HSPA12A: variants seen among roughly 807,000 people sequenced by gnomAD.
HSPA12A encodes the protein heat shock protein family A (Hsp70) member 12A, also known as heat shock 70 kDa protein 12A.
Under a neutral mutation model 69.2 loss-of-function variants are expected in HSPA12A, and 28 were observed. That is an observed-to-expected ratio of 0.40 (90% CI 0.30 to 0.55). The LOEUF (loss-of-function observed/expected upper bound fraction) is 0.55, where lower values mean the gene tolerates loss of function less well. HSPA12A is among the 20% of genes least tolerant of loss of function. HSPA12A has a pLI of 0.38. For synonymous variants in HSPA12A, 345 were observed against 370.5 expected (o/e 0.93, Z 0.79); for missense variants, 686 against 900.7 (o/e 0.76, Z 3.05).
Position 116,694,069 on chromosome 10 carries a change from G to C in HSPA12A, c.547-1602C>G, listed in dbSNP as rs552276539. On this transcript the variant is annotated intron_variant, in intron 5 of 11. Transcript: ENST00000369209. Reference sequence around the variant, plus strand: ...ATTTTAAACTCTTTAAAAGGAAAAGGGTTCAAAATACACATGAGGGGCTTC... The same window carrying C: ...ATTTTAAACTCTTTAAAAGGAAAAGCGTTCAAAATACACATGAGGGGCTTC... 9.5e-4 allele frequency among the ~76,000 whole-genome samples: 145 copies of C among 152,292 alleles called. 2 individuals carry two copies. The South Asian group carries it at 0.027, about 29-fold the overall frequency.
At chr10:116,813,430 G>A (rs149135454) in intron 2 of HSPA12A, among the ~76,000 whole-genome samples, 6,050 of 151,558 alleles carry the variant, frequency 0.04, 393 homozygotes, top group African/African-American at 0.14. Context: ...TGTATTTTTC[G>A]TAGAGACAGG....
intron 1 of HSPA12A, among the ~76,000 whole-genome samples, chr10:116,712,426 C>A (rs934771806): frequency 6.6e-6 from 1 of 152,194 alleles, no homozygotes; most frequent in Non-Finnish European, 1.5e-5. Flanking sequence ...AACCCCAAAC[C>A]AGGCAATTGA....
In HSPA12A at chr10:116,679,491, A is replaced by AG; in HGVS notation, c.1286+11dup. 1 of 1,610,490 alleles carries AG rather than the reference A, an allele frequency of 6.2e-7. No homozygotes were observed. The highest frequency in any genetic ancestry group is 1.7e-5 in the Admixed American group (1 of 59,982). On this transcript the variant is annotated intron_variant, in intron 10 of 11. Coordinates refer to ENST00000369209, the MANE Select transcript of HSPA12A (RefSeq NM_025015.3). ...AGAATGTCCAGAGCCCGAGGTGATG[A>AG]GCCCAACTCACTTGCTTTTCCGCAA...
chr10:116,810,150 G>C (rs1171814070), intron 2 of HSPA12A, among the ~76,000 whole-genome samples: 2 of 152,156 alleles, frequency 1.3e-5, no homozygotes, highest in Non-Finnish European at 2.9e-5. Flanking sequence ...CTTTTGTTTT[G>C]TTTTCCCCCT....
intron 2 of HSPA12A, 27 bp downstream of exon 2, chr10:116,707,151 GCGCACACACACACACACACACA>G: frequency 9.8e-7 from 1 of 1,018,350 alleles, no homozygotes; most frequent in East Asian, 4.5e-5. Context: ...GCACCCATGC[GCGCACACACACACACACACACA>G]CACACACACA....
chr10:116,714,018 G>C (rs1353846422), intron 1 of HSPA12A, among the ~76,000 whole-genome samples: 1 of 151,264 alleles, frequency 6.6e-6, no homozygotes, highest in Non-Finnish European at 1.5e-5. Flanking sequence ...ATGGATAGAT[G>C]GATGGATGGA....
At chr10:116,732,421 T>C (rs1376666087) in intron 1 of HSPA12A, among the ~76,000 whole-genome samples, 3 of 151,940 alleles carry the variant, frequency 2.0e-5, no homozygotes, top group Non-Finnish European at 4.4e-5. Context: ...CAGGTTTAAG[T>C]TCCAGGAACC....
chr10:116,814,431 T>G (rs748003318), intron 2 of HSPA12A, among the ~76,000 whole-genome samples: 22 of 152,186 alleles, frequency 1.4e-4, no homozygotes, highest in Non-Finnish European at 2.4e-4. Context: ...GTGACATATC[T>G]CAGCAAGTGA....
chr10:116,821,572 T>C (rs141770087), intron 2 of HSPA12A, among the ~76,000 whole-genome samples: 293 of 152,372 alleles, frequency 1.9e-3, no homozygotes, highest in Middle Eastern at 0.01. Flanking sequence ...CACACATACA[T>C]ACATTAGAAT....
intron 1 of HSPA12A, among the ~76,000 whole-genome samples, chr10:116,739,138 C>G (rs1273756514): frequency 6.6e-6 from 1 of 152,170 alleles, no homozygotes; most frequent in Non-Finnish European, 1.5e-5. Flanking sequence ...CTATGACATG[C>G]CAGGCACATG....
intron 1 of HSPA12A, among the ~76,000 whole-genome samples, chr10:116,735,027 G>A (rs1615891): frequency 0.98 from 149,894 of 152,348 alleles, 73,788 homozygotes; most frequent in Middle Eastern, 1. Context: ...ATCCTGATCT[G>A]TCAAAGTGCA....
intron 2 of HSPA12A, among the ~76,000 whole-genome samples, chr10:116,818,218 A>C (rs1041586656): frequency 2.0e-5 from 3 of 152,144 alleles, no homozygotes; most frequent in African/African-American, 4.8e-5. Flanking sequence ...TCAACCTGGC[A>C]TATGAGCTTG....
At chr10:116,778,064 G>A (rs1487142824) in intron 2 of HSPA12A, among the ~76,000 whole-genome samples, 1 of 152,068 alleles carries the variant, frequency 6.6e-6, no homozygotes, top group African/African-American at 2.4e-5. Context: ...CTTAACAACT[G>A]GCCCACAAAA....
At chr10:116,747,795 T>C (rs1468851799) in intron 2 of HSPA12A, among the ~76,000 whole-genome samples, 2 of 152,106 alleles carry the variant, frequency 1.3e-5, no homozygotes, top group Non-Finnish European at 2.9e-5. Context: ...GGTCAGGAGT[T>C]TGAGACCAGC....
At chr10:116,811,150 G>C (rs1005011160) in intron 2 of HSPA12A, among the ~76,000 whole-genome samples, 4 of 152,148 alleles carry the variant, frequency 2.6e-5, no homozygotes, top group African/African-American at 4.8e-5. Flanking sequence ...GATAGCAATG[G>C]AAGACAGAGG....
chr10:116,732,156 C>T (rs927593380), intron 1 of HSPA12A, among the ~76,000 whole-genome samples: 31 of 151,830 alleles, frequency 2.0e-4, no homozygotes, highest in African/African-American at 6.3e-4. Context: ...CGTGATGAAA[C>T]GCCGTCTCTA....
intron 2 of HSPA12A, among the ~76,000 whole-genome samples, chr10:116,772,340 CAGA>C (rs1247547752): frequency 1.3e-5 from 2 of 152,126 alleles, no homozygotes; most frequent in African/African-American, 4.8e-5. Context: ...CAACACTTGG[CAGA>C]AGAAGAGGAT....
At position 116,710,271 on chromosome 10, in the gene HSPA12A, C is replaced by T. The variant is rs533284597; in HGVS notation, c.41-2986G>A. ...CGCCATGTGTCCACATTTGCACAGA[C>T]GGTCCTGAAAGAAACCAAATGTCTA... On this transcript the variant is annotated intron_variant, in intron 1 of 11. Coordinates refer to ENST00000369209, the MANE Select transcript of HSPA12A (RefSeq NM_025015.3). The surrounding 1 kb of genome is among the most constrained non-coding windows in gnomAD (Gnocchi z 4.1). 2.0e-5 allele frequency among the ~76,000 whole-genome samples: 3 copies of T among 152,348 alleles called. No homozygotes were observed. Among genetic ancestry groups the T allele is most frequent in the Non-Finnish European group, 2.9e-5 (2 of 68,038 alleles).
rs1554877403 is a variant in HSPA12A, at chr10:116,675,159, G to A, written c.1650C>T (p.His550=). The change falls in exon 12 of 12, where the codon CAC becomes CAT. Residue 550 remains histidine, a synonymous_variant. Transcript: ENST00000369209. The surrounding 1 kb of genome is among the most constrained non-coding windows in gnomAD (Gnocchi z 5.2). ...GVLNRYVEGK[H]PPEKLLVKDG... ...CCTTCACCAGCAGCTTCTCAGGCGGGTGCTTGCCCTCCACGTAGCGGTTCA... is the reference window on the plus strand; with the variant it reads ...CCTTCACCAGCAGCTTCTCAGGCGGATGCTTGCCCTCCACGTAGCGGTTCA... The A allele has an allele frequency of 6.2e-7, 1 of 1,613,932 alleles. No individual in the cohort carries two copies. Among genetic ancestry groups the A allele is most frequent in the Admixed American group, 1.7e-5 (1 of 60,030 alleles).
Sources: gnomAD v4.1 joint callset for allele counts (sites outside exome capture counted in the v4.1 genomes callset) on GRCh38, gnomAD v4.1.1 for gene constraint, Gnocchi (gnomAD v3.1) non-coding constraint, MANE v1.5 for transcripts, NCBI Gene and HGNC (gene_info 2026-07-23, HGNC 2026-07-21) for gene names.